Variants in SPRED1 observed in about 807,000 individuals in gnomAD.
The protein encoded by SPRED1 is sprouty related EVH1 domain containing 1.
A neutral mutation model predicts 52.3 loss-of-function variants in SPRED1; 18 were observed. That is an observed-to-expected ratio of 0.34 (90% CI 0.24 to 0.51). SPRED1 has a LOEUF of 0.51. Ranked by LOEUF, SPRED1 falls within the 20% of genes least tolerant of loss-of-function variation. The pLI, the probability that SPRED1 is intolerant of heterozygous loss-of-function variation, is 0.97. For missense variants in SPRED1, 485 were observed against 551.0 expected, an observed-to-expected ratio of 0.88 and a Z score of 1.20; for synonymous variants, 155 against 179.7, an observed-to-expected ratio of 0.86 and a Z score of 1.10.
In SPRED1 at chr15:38,349,504, G is replaced by A. The variant is rs1401084390; in HGVS notation, c.665G>A (p.Ser222Asn). ...VQRQISKECGSLKSQNRVPLK... is the reference protein window; with the variant it reads ...VQRQISKECGNLKSQNRVPLK... ...CGGCAAATATCCAAGGAATGTGGAA[G>A]CCTAAAGTCCCAAAATAGGGTAAGT... The change falls in exon 6 of 7, where the codon AGC becomes AAC. Residue 222 changes from serine to asparagine, a missense_variant. Transcript: ENST00000299084. 3.1e-6 allele frequency: 5 copies of A among 1,611,486 alleles called. No homozygotes were observed. In the African/African-American group the frequency reaches 6.7e-5, roughly 22 times the overall value.
At chr15:38,281,979 G>A (rs1226154020) in intron 1 of SPRED1, among the ~76,000 whole-genome samples, 1 of 152,024 alleles carries the variant, frequency 6.6e-6, no homozygotes, top group African/African-American at 2.4e-5. Flanking sequence ...GCTAAAGAAG[G>A]TATGTTTTTG....
intron 1 of SPRED1, among the ~76,000 whole-genome samples, chr15:38,256,562 A>G (rs1225873709): frequency 6.6e-6 from 1 of 152,192 alleles, no homozygotes; most frequent in Non-Finnish European, 1.5e-5. Flanking sequence ...CTGTGTCAGT[A>G]TTAGGCTTTC....
At chr15:38,286,857 A>C (rs1195486626) in intron 1 of SPRED1, among the ~76,000 whole-genome samples, 1 of 152,144 alleles carries the variant, frequency 6.6e-6, no homozygotes, top group East Asian at 1.9e-4. Context: ...AGACTTTGTA[A>C]AAATAATGTT....
chr15:38,325,345 T>C (rs28422137), intron 4 of SPRED1, among the ~76,000 whole-genome samples: 32,310 of 152,190 alleles, frequency 0.21, 3,971 homozygotes, highest in South Asian at 0.27. Flanking sequence ...ATCCTTAAGA[T>C]GTCTTATTAT....
intron 1 of SPRED1, among the ~76,000 whole-genome samples, chr15:38,272,276 G>GTTTTT (rs1555387949): frequency 2.3e-5 from 3 of 131,424 alleles, no homozygotes; most frequent in Non-Finnish European, 1.6e-5. Context: ...CGAATGCTAG[G>GTTTTT]TTTTTTTTTT....
chr15:38,313,992 T>TA (rs1342702454), intron 2 of SPRED1, among the ~76,000 whole-genome samples: 1 of 151,854 alleles, frequency 6.6e-6, no homozygotes, highest in Non-Finnish European at 1.5e-5. Context: ...GAAGCAGGTG[T>TA]AATTTCTTTC....
Position 38,355,728 on chromosome 15 carries a change from T to A in SPRED1, c.*4064T>A, listed in dbSNP as rs1888603975. On this transcript the variant is annotated 3_prime_UTR_variant, in exon 7 of 7. Coordinates refer to ENST00000299084, the MANE Select transcript of SPRED1 (RefSeq NM_152594.3). ...CTGAAAAGCAAGGATTCTTTACTAA[T>A]TATTATGCTCATTCTTGATTTGACT... 1 of 152,252 alleles carries A rather than the reference T, an allele frequency of 6.6e-6. No homozygotes were observed. The allele number at this position is 152,252 out of a possible 1,614,324, so 9.4% of individuals were successfully genotyped here.
intron 1 of SPRED1, among the ~76,000 whole-genome samples, chr15:38,283,339 CAT>C (rs2140966429): frequency 6.6e-6 from 1 of 152,236 alleles, no homozygotes; most frequent in East Asian, 1.9e-4. Flanking sequence ...CCTCCCTTGA[CAT>C]GTGGGGATTA....
chr15:38,319,338 C>G (rs1490107472), intron 2 of SPRED1, among the ~76,000 whole-genome samples: 1 of 152,088 alleles, frequency 6.6e-6, no homozygotes, highest in Non-Finnish European at 1.5e-5. Context: ...GTGTAAAATG[C>G]TTTAGCAAAG....
intron 1 of SPRED1, among the ~76,000 whole-genome samples, chr15:38,261,551 ATTTGTT>A (rs530403202): frequency 1.6e-3 from 237 of 152,216 alleles, no homozygotes; most frequent in African/African-American, 5.2e-3. Context: ...AGGAGTTATA[ATTTGTT>A]TTTGTTTTTG....
chr15:38,261,045 G>GTGGC (rs1894194806), intron 1 of SPRED1, among the ~76,000 whole-genome samples: 1 of 152,148 alleles, frequency 6.6e-6, no homozygotes. Context: ...GTCAAATGGG[G>GTGGC]TTTATCTTGA....
intron 5 of SPRED1, among the ~76,000 whole-genome samples, chr15:38,345,624 C>A (rs1009329383): frequency 1.2e-4 from 18 of 152,056 alleles, no homozygotes; most frequent in African/African-American, 3.9e-4. Context: ...TGTTGGTTTC[C>A]CTTGCTCCTC....
intron 6 of SPRED1, among the ~76,000 whole-genome samples, chr15:38,349,935 A>G (rs1416250154): frequency 6.6e-6 from 1 of 152,148 alleles, no homozygotes; most frequent in Non-Finnish European, 1.5e-5. Context: ...AAATTTGTCT[A>G]CTTAGAAGCC....
intron 1 of SPRED1, among the ~76,000 whole-genome samples, chr15:38,278,000 A>G (rs552349345): frequency 7.8e-5 from 4 of 51,378 alleles, no homozygotes; most frequent in African/African-American, 1.8e-4. Context: ...TAATGTAAGG[A>G]TGTATTAATG....
chr15:38,289,551 T>C (rs950547510), intron 1 of SPRED1, among the ~76,000 whole-genome samples: 1 of 152,148 alleles, frequency 6.6e-6, no homozygotes, highest in Non-Finnish European at 1.5e-5. Context: ...AGCTTTGATA[T>C]AGGGAGATTA....
chr15:38,318,017 C>T (rs1299412449), intron 2 of SPRED1, among the ~76,000 whole-genome samples: 5 of 151,906 alleles, frequency 3.3e-5, no homozygotes, highest in African/African-American at 9.7e-5. Flanking sequence ...TTGTACATTG[C>T]ATAGGGAACC....
intron 1 of SPRED1, among the ~76,000 whole-genome samples, chr15:38,271,628 A>G (rs753932924): frequency 2.5e-4 from 38 of 152,250 alleles, no homozygotes; most frequent in Admixed American, 1.2e-3. Flanking sequence ...ACCTAATGTT[A>G]GAAGTAAATG....
chr15:38,324,374 T>C (rs1895666975), intron 3 of SPRED1, among the ~76,000 whole-genome samples: 1 of 152,216 alleles, frequency 6.6e-6, no homozygotes. Flanking sequence ...TTATGGGTAC[T>C]AAATACTGTT....
At chr15:38,344,698 A>G (rs1896095679) in intron 5 of SPRED1, among the ~76,000 whole-genome samples, 1 of 152,148 alleles carries the variant, frequency 6.6e-6, no homozygotes, top group African/African-American at 2.4e-5. Context: ...TAATATCGGT[A>G]TCTACCTCCT....
Sources: allele counts gnomAD v4.1 joint callset (sites outside exome capture counted in the v4.1 genomes callset), GRCh38; gene constraint gnomAD v4.1.1; transcripts MANE v1.5; gene names NCBI Gene and HGNC (gene_info 2026-07-23, HGNC 2026-07-21).